MYT1L: variants seen among roughly 807,000 people sequenced by gnomAD.
MYT1L encodes myelin transcription factor 1 like, also known as myelin transcription factor 1-like protein.
A neutral mutation model predicts 126.7 loss-of-function variants in MYT1L; 12 were observed. The observed-to-expected ratio is 0.09, with a 90% CI of 0.06 to 0.15. The LOEUF (loss-of-function observed/expected upper bound fraction) is 0.15. Ranked by LOEUF, MYT1L falls within the 10% of genes least tolerant of loss-of-function variation. The pLI is 1.00. For missense variants in MYT1L, 979 were observed against 1,585.2 expected, an observed-to-expected ratio of 0.62 and a Z score of 6.49; for synonymous variants, 541 against 604.2, an observed-to-expected ratio of 0.90 and a Z score of 1.53.
chr2:2,036,553 C>T (rs901319461), intron 4 of MYT1L, among the ~76,000 whole-genome samples: 2 of 152,246 alleles, frequency 1.3e-5, no homozygotes, highest in African/African-American at 4.8e-5. Flanking sequence ...ATCCCATCCA[C>T]ACAGCTCCTC....
At chr2:1,978,173 C>T (rs1267174323) in intron 8 of MYT1L, among the ~76,000 whole-genome samples, 1 of 152,096 alleles carries the variant, frequency 6.6e-6, no homozygotes, top group Non-Finnish European at 1.5e-5. Context: ...GGATGTCACT[C>T]GTAAGCTAAT....
intron 18 of MYT1L, among the ~76,000 whole-genome samples, chr2:1,854,220 A>C (rs1423288527): frequency 2.6e-5 from 4 of 152,222 alleles, no homozygotes; most frequent in South Asian, 2.1e-4. Context: ...ATTAGGTCTC[A>C]GTATAAATAC....
At chr2:2,255,680 GC>G (rs2094789488) in intron 2 of MYT1L, among the ~76,000 whole-genome samples, 1 of 152,020 alleles carries the variant, frequency 6.6e-6, no homozygotes, top group African/African-American at 2.4e-5. Context: ...GCTATTTGTC[GC>G]ACATACCCGT....
chr2:2,046,683 G>A (rs2068227039), intron 4 of MYT1L, among the ~76,000 whole-genome samples: 1 of 152,180 alleles, frequency 6.6e-6, no homozygotes, highest in South Asian at 2.1e-4. Context: ...CAGAGGTCAT[G>A]CTCTTGGCTT....
At chr2:1,792,993 T>C (rs1456068741) in intron 23 of MYT1L, among the ~76,000 whole-genome samples, 1 of 152,016 alleles carries the variant, frequency 6.6e-6, no homozygotes. Flanking sequence ...ACTGTTTCCC[T>C]GCGCGATCCT....
intron 2 of MYT1L, among the ~76,000 whole-genome samples, chr2:2,254,428 G>A (rs776244837): frequency 1.3e-5 from 2 of 152,130 alleles, no homozygotes; most frequent in Non-Finnish European, 2.9e-5. Context: ...AGACTGTGAT[G>A]GGACATTGAT....
chr2:2,018,830 C>T (rs987474319), intron 4 of MYT1L, among the ~76,000 whole-genome samples: 4 of 152,132 alleles, frequency 2.6e-5, no homozygotes, highest in Admixed American at 1.3e-4. Context: ...CTCAACACCA[C>T]CTACATTTCG....
intron 3 of MYT1L, among the ~76,000 whole-genome samples, chr2:2,142,303 G>A (rs2084112541): frequency 2.0e-5 from 3 of 152,064 alleles, no homozygotes; most frequent in South Asian, 2.1e-4. Flanking sequence ...AGACAGTGCC[G>A]CGAATTGTCA....
At chr2:2,080,088 A>C (rs543368463) in intron 3 of MYT1L, among the ~76,000 whole-genome samples, 49 of 152,222 alleles carry the variant, frequency 3.2e-4, no homozygotes, top group Non-Finnish European at 4.7e-4. Flanking sequence ...AGTCTTTTTA[A>C]TGAATGGTGT....
At chr2:2,061,717 G>C (rs1390808184) in intron 3 of MYT1L, among the ~76,000 whole-genome samples, 1 of 152,112 alleles carries the variant, frequency 6.6e-6, no homozygotes, top group African/African-American at 2.4e-5. Flanking sequence ...TGGACCCTGA[G>C]AGATTCTGCA....
intron 2 of MYT1L, among the ~76,000 whole-genome samples, chr2:2,230,382 C>T (rs932610784): frequency 9.2e-5 from 14 of 152,194 alleles, no homozygotes; most frequent in African/African-American, 3.4e-4. Flanking sequence ...GAAAGTAATT[C>T]ATTAGGATGT....
chr2:2,041,795 C>T (rs1375352872), intron 4 of MYT1L, among the ~76,000 whole-genome samples: 1 of 152,166 alleles, frequency 6.6e-6, no homozygotes, highest in Admixed American at 6.5e-5. Context: ...TGTATCTAGC[C>T]AAAATCTTTA....
At chr2:1,798,347 GTTCTTT>G (rs1300233709) in intron 23 of MYT1L, among the ~76,000 whole-genome samples, 13 of 152,204 alleles carry the variant, frequency 8.5e-5, no homozygotes, top group African/African-American at 3.1e-4. Flanking sequence ...TCTTGGATTT[GTTCTTT>G]ATCAGATTTA....
intron 2 of MYT1L, among the ~76,000 whole-genome samples, chr2:2,244,755 C>T (rs6737578): frequency 0.097 from 14,728 of 152,178 alleles, 1,135 homozygotes; most frequent in Admixed American, 0.19. Flanking sequence ...GACACGATAC[C>T]TCCATAGGGT....
chr2:2,113,798 T>C (rs112626379), intron 3 of MYT1L, among the ~76,000 whole-genome samples: 34 of 132,704 alleles, frequency 2.6e-4, no homozygotes, highest in Admixed American at 4.4e-4. Flanking sequence ...GTTATGAAAA[T>C]ATTACTGCCT....
At chr2:1,956,573 AT>A (rs2058466635) in intron 8 of MYT1L, among the ~76,000 whole-genome samples, 7 of 106,494 alleles carry the variant, frequency 6.6e-5, no homozygotes, top group African/African-American at 2.7e-4. Flanking sequence ...TATATTTCCT[AT>A]TCTATCTATC....
intron 4 of MYT1L, among the ~76,000 whole-genome samples, chr2:2,031,008 G>A (rs767843199): frequency 6.6e-6 from 1 of 152,162 alleles, no homozygotes; most frequent in African/African-American, 2.4e-5. Context: ...TGTATTAAGC[G>A]TGTGCATGAC....
chr2:2,029,046 G>A (rs116067900), intron 4 of MYT1L, among the ~76,000 whole-genome samples: 2,335 of 152,244 alleles, frequency 0.015, 53 homozygotes, highest in African/African-American at 0.05. Flanking sequence ...TTAAACTCAA[G>A]TATTACAGAA....
At chr2:2,316,450 T>G (rs2096065546) in intron 1 of MYT1L, among the ~76,000 whole-genome samples, 1 of 152,196 alleles carries the variant, frequency 6.6e-6, no homozygotes, top group South Asian at 2.1e-4. Flanking sequence ...AATACTGCCT[T>G]TAAAAAGAAA....
Sources: allele counts gnomAD v4.1 joint callset (sites outside exome capture counted in the v4.1 genomes callset), GRCh38; gene constraint gnomAD v4.1.1; transcripts MANE v1.5; gene names NCBI Gene and HGNC (gene_info 2026-07-23, HGNC 2026-07-21).